The following PDE10A variants were observed in gnomAD, a reference collection of about 807,000 sequenced individuals.
The protein encoded by PDE10A is cAMP and cAMP-inhibited cGMP 3',5'-cyclic phosphodiesterase 10A.
PDE10A carries 39 observed loss-of-function variants against 97.7 expected under a neutral mutation model. That is an observed-to-expected ratio of 0.40 (90% confidence interval 0.31 to 0.52). The LOEUF (loss-of-function observed/expected upper bound fraction) is 0.52. PDE10A is among the 20% of genes least tolerant of loss of function. PDE10A has a pLI of 0.56. For missense variants in PDE10A, 731 were observed against 1,047.8 expected, an observed-to-expected ratio of 0.70 and a Z score of 4.17; for synonymous variants, 371 against 376.8, an observed-to-expected ratio of 0.98 and a Z score of 0.18.
chr6:165,833,270 A>T (rs537651792), intron 1 of PDE10A, among the ~76,000 whole-genome samples: 80 of 152,286 alleles, frequency 5.3e-4, no homozygotes, highest in Middle Eastern at 3.4e-3. Context: ...GCTAGAGGCA[A>T]TTTGTCCAGC....
In PDE10A at chr6:165,819,712, C is replaced by T. The variant is rs1200258283; in HGVS notation, c.-615+167817G>A. Among the ~76,000 whole-genome samples the T allele has an allele frequency of 1.3e-5, 2 of 152,206 alleles. No individual in the cohort carries two copies. On this transcript the variant is annotated intron_variant, in intron 1 of 19. Coordinates refer to the PDE10A transcript ENST00000366882. This position sits in a 1 kb window ranked among gnomAD's most constrained non-coding sequence, Gnocchi z 4.2. ...TTCACTGACTGTGCACCACGTACTC[C>T]TCACCCGCCCTCCCGCTGTGAGCAC... is the stretch of plus-strand genomic sequence containing the variant.
At chr6:165,684,446 A>G (rs138758224) in intron 1 of PDE10A, among the ~76,000 whole-genome samples, 2,128 of 152,366 alleles carry the variant, frequency 0.014, 26 homozygotes, top group South Asian at 0.048. Flanking sequence ...AGGTCTCACA[A>G]TGAAGCCGCC....
chr6:165,861,391 G>A (rs75850787), intron 1 of PDE10A, among the ~76,000 whole-genome samples: 7,401 of 151,398 alleles, frequency 0.049, 206 homozygotes, highest in Middle Eastern at 0.086. Context: ...TTGTCCTCTC[G>A]GGGGGGCGCT....
intron 20 of PDE10A, among the ~76,000 whole-genome samples, chr6:165,337,030 T>C (rs919123612): frequency 4.1e-4 from 62 of 152,168 alleles, no homozygotes; most frequent in African/African-American, 9.9e-4. Flanking sequence ...TATTTACTCA[T>C]CCTCCCAGCC....
chr6:165,796,744 G>A (rs1361170092), intron 1 of PDE10A, among the ~76,000 whole-genome samples: 1 of 151,996 alleles, frequency 6.6e-6, no homozygotes, highest in Non-Finnish European at 1.5e-5. Flanking sequence ...CCCAATCCAG[G>A]TGCATGCACT....
intron 1 of PDE10A, chr6:165,986,618 C>G (rs566697823): frequency 6.6e-6 from 1 of 151,754 alleles, no homozygotes; most frequent in Non-Finnish European, 1.5e-5. Context: ...AAGGGTGAGC[C>G]GAGAGGGGAG....
At chr6:165,455,861 TCA>T (rs201422269) in intron 3 of PDE10A, among the ~76,000 whole-genome samples, 1,720 of 152,338 alleles carry the variant, frequency 0.011, 13 homozygotes, top group Middle Eastern at 0.037. Flanking sequence ...CCAAAACTTC[TCA>T]GTTATTTTCT....
chr6:165,579,564 C>T (rs955395225), intron 1 of PDE10A, among the ~76,000 whole-genome samples: 2 of 152,308 alleles, frequency 1.3e-5, no homozygotes, highest in Admixed American at 6.5e-5. Context: ...TCCCAACAGT[C>T]AACACCATCA....
At chr6:165,656,494 T>A in intron 1 of PDE10A, among the ~76,000 whole-genome samples, 1 of 151,836 alleles carries the variant, frequency 6.6e-6, no homozygotes. Context: ...CTCCCTGCAG[T>A]CACACAGAAT....
At chr6:165,458,441 G>C (rs1158504999) in intron 3 of PDE10A, among the ~76,000 whole-genome samples, 1 of 152,142 alleles carries the variant, frequency 6.6e-6, no homozygotes, top group African/African-American at 2.4e-5. Context: ...TTATCAGGAA[G>C]AGGGTCCTCA....
At chr6:165,651,539 G>A (rs1301168831) in intron 1 of PDE10A, among the ~76,000 whole-genome samples, 1 of 152,180 alleles carries the variant, frequency 6.6e-6, no homozygotes, top group Non-Finnish European at 1.5e-5. Context: ...TAGGTGGAGA[G>A]GTAGGAGAGG....
At chr6:165,393,575 A>G (rs553937278) in intron 15 of PDE10A, among the ~76,000 whole-genome samples, 8 of 152,188 alleles carry the variant, frequency 5.3e-5, no homozygotes, top group African/African-American at 1.9e-4. Flanking sequence ...AAAATTTTCA[A>G]ATGTCTTTGA....
chr6:165,711,486 C>T lies in PDE10A; in HGVS notation c.-614-167918G>A, dbSNP rs1477756347. Among the ~76,000 whole-genome samples, 1 of 152,164 alleles carries T rather than the reference C, an allele frequency of 6.6e-6. No individual in the cohort carries two copies. The highest frequency in any genetic ancestry group is 2.4e-5 in the African/African-American group (1 of 41,442). On this transcript the variant is annotated intron_variant, in intron 1 of 19. Transcript: ENST00000366882. The surrounding 1 kb of genome is among the most constrained non-coding windows in gnomAD (Gnocchi z 4.5). ...CTGGTGGACTCTGCGAGTTAGCTGT[C>T]TGGAGAGGGCCTTAAGTCACTCTCC...
At chr6:165,643,859 AATG>A (rs1050049476) in intron 1 of PDE10A, among the ~76,000 whole-genome samples, 13 of 152,334 alleles carry the variant, frequency 8.5e-5, no homozygotes, top group African/African-American at 2.2e-4. Context: ...TTCAAAAAAC[AATG>A]ATAAGTGGGT....
chr6:165,441,195 T>C (rs925152327), intron 5 of PDE10A, among the ~76,000 whole-genome samples: 1 of 152,140 alleles, frequency 6.6e-6, no homozygotes, highest in African/African-American at 2.4e-5. Flanking sequence ...CACTGAAATA[T>C]TGTCTTCTCA....
chr6:165,497,248 T>C (rs2128292366), intron 2 of PDE10A, among the ~76,000 whole-genome samples: 1 of 152,284 alleles, frequency 6.6e-6, no homozygotes, highest in Non-Finnish European at 1.5e-5. Context: ...TACTTAATTA[T>C]ATATAAACAG....
intron 2 of PDE10A, among the ~76,000 whole-genome samples, chr6:165,517,502 A>T (rs1271375676): frequency 1.3e-5 from 2 of 152,218 alleles, no homozygotes; most frequent in Non-Finnish European, 1.5e-5. Context: ...CCCAAATTGG[A>T]AATAATCCAA....
intron 1 of PDE10A, among the ~76,000 whole-genome samples, chr6:165,794,501 C>CA (rs1778772672): frequency 6.8e-6 from 1 of 146,236 alleles, no homozygotes; most frequent in African/African-American, 2.5e-5. Flanking sequence ...ACTACACACT[C>CA]ACATGCTCAC....
chr6:165,339,189 T>G (rs1243426916), intron 20 of PDE10A, 89 bp downstream of exon 20: 12 of 809,822 alleles, frequency 1.5e-5, no homozygotes, highest in Non-Finnish European at 2.6e-5. Context: ...ACATAATATA[T>G]GATGACATGC....
Sources: gnomAD v4.1 joint callset for allele counts (sites outside exome capture counted in the v4.1 genomes callset) on GRCh38, gnomAD v4.1.1 for gene constraint, Gnocchi (gnomAD v3.1) non-coding constraint, MANE v1.5 for transcripts, NCBI Gene and HGNC (gene_info 2026-07-23, HGNC 2026-07-21) for gene names.